The following WWOX variants were observed in gnomAD, a reference collection of about 807,000 sequenced individuals.
WWOX encodes WW domain-containing oxidoreductase.
A neutral mutation model predicts 46.2 loss-of-function variants in WWOX; 69 were observed. The ratio of observed to expected loss-of-function variants is 1.49; its 90% CI spans 1.23 to 1.82. The LOEUF (loss-of-function observed/expected upper bound fraction) is 1.82, where lower values mean the gene tolerates loss of function less well. Ranked by LOEUF, WWOX falls within the 40% of genes most tolerant of loss-of-function variation. The pLI is 0.00. For synonymous variants in WWOX, 359 were observed against 202.6 expected (o/e 1.77, Z -6.56); for missense variants, 919 against 542.6 (o/e 1.69, Z -6.89).
intron 5 of WWOX, among the ~76,000 whole-genome samples, chr16:78,192,453 C>G (rs1187401463): frequency 7.1e-6 from 1 of 140,028 alleles, no homozygotes; most frequent in Non-Finnish European, 1.5e-5. Context: ...GATCGCACCA[C>G]TGCACTCCAG....
intron 8 of WWOX, among the ~76,000 whole-genome samples, chr16:78,777,845 G>C (rs2050229497): frequency 6.6e-6 from 1 of 152,150 alleles, no homozygotes; most frequent in Admixed American, 6.5e-5. Flanking sequence ...AAGAGATCAA[G>C]AGCATCCCGG....
At chr16:78,806,257 G>T (rs2051034854) in intron 8 of WWOX, among the ~76,000 whole-genome samples, 2 of 152,012 alleles carry the variant, frequency 1.3e-5, no homozygotes, top group South Asian at 4.1e-4. Context: ...CCATTTTCTG[G>T]CCATTTGGAT....
intron 8 of WWOX, among the ~76,000 whole-genome samples, chr16:78,502,059 C>T (rs1282234502): frequency 1.3e-5 from 2 of 152,176 alleles, no homozygotes; most frequent in Non-Finnish European, 2.9e-5. Context: ...TAGCCAACTT[C>T]TCTGGATGCT....
intron 8 of WWOX, among the ~76,000 whole-genome samples, chr16:79,180,506 C>T (rs935972173): frequency 6.6e-6 from 1 of 152,136 alleles, no homozygotes; most frequent in Non-Finnish European, 1.5e-5. Flanking sequence ...TCTTCGTGAG[C>T]CTCCTTGTGG....
At chr16:78,322,214 C>G (rs906858149) in intron 5 of WWOX, among the ~76,000 whole-genome samples, 6 of 152,094 alleles carry the variant, frequency 3.9e-5, no homozygotes, top group African/African-American at 1.4e-4. Flanking sequence ...CAAAATCCAT[C>G]TGGATTTTGT....
intron 8 of WWOX, among the ~76,000 whole-genome samples, chr16:78,486,394 C>A (rs143840127): frequency 0.011 from 1,741 of 152,268 alleles, 20 homozygotes; most frequent in African/African-American, 0.012. Flanking sequence ...GTATGTTTTA[C>A]CTTTTTAATA....
chr16:78,930,344 C>T (rs1439019518), intron 8 of WWOX, among the ~76,000 whole-genome samples: 1 of 149,480 alleles, frequency 6.7e-6, no homozygotes, highest in Admixed American at 6.7e-5. Context: ...GTGGCACATT[C>T]ATGGCTCACT....
At chr16:79,043,806 C>G (rs1231673419) in intron 8 of WWOX, among the ~76,000 whole-genome samples, 4 of 152,258 alleles carry the variant, frequency 2.6e-5, no homozygotes, top group East Asian at 3.9e-4. Flanking sequence ...CTCTTCTCTG[C>G]TAGCTTTATT....
intron 8 of WWOX, among the ~76,000 whole-genome samples, chr16:78,529,149 C>T (rs959576447): frequency 6.6e-6 from 1 of 151,676 alleles, no homozygotes; most frequent in Non-Finnish European, 1.5e-5. Context: ...GATACAGGGT[C>T]TGACTGTATT....
At chr16:78,861,855 C>T (rs2043892090) in intron 8 of WWOX, among the ~76,000 whole-genome samples, 1 of 152,190 alleles carries the variant, frequency 6.6e-6, no homozygotes, top group Non-Finnish European at 1.5e-5. Context: ...GTTTCCAGGC[C>T]TCTAATGTTT....
At chr16:78,888,385 T>G (rs1376907762) in intron 8 of WWOX, among the ~76,000 whole-genome samples, 1 of 152,192 alleles carries the variant, frequency 6.6e-6, no homozygotes, top group Non-Finnish European at 1.5e-5. Context: ...CCTTGGCCCT[T>G]GGGTCCCTGT....
intron 8 of WWOX, among the ~76,000 whole-genome samples, chr16:78,611,823 A>G (rs1205758427): frequency 6.6e-6 from 1 of 152,226 alleles, no homozygotes; most frequent in African/African-American, 2.4e-5. Context: ...GAAAAAGAAC[A>G]GTGGTGAGAC....
At chr16:78,451,388 A>C (rs1261395062) in intron 8 of WWOX, among the ~76,000 whole-genome samples, 1 of 152,234 alleles carries the variant, frequency 6.6e-6, no homozygotes, top group Non-Finnish European at 1.5e-5. Context: ...TCCACAGTCC[A>C]CTACCAACAT....
At chr16:78,988,981 G>C (rs1355873333) in intron 8 of WWOX, among the ~76,000 whole-genome samples, 1 of 152,216 alleles carries the variant, frequency 6.6e-6, no homozygotes, top group Admixed American at 6.5e-5. Flanking sequence ...GAATTCCTGA[G>C]TTCCTGTACA....
intron 8 of WWOX, among the ~76,000 whole-genome samples, chr16:78,883,926 A>C (rs181519931): frequency 1.3e-4 from 20 of 152,244 alleles, no homozygotes; most frequent in Non-Finnish European, 2.2e-4. Context: ...AGTTGGTATA[A>C]CCATTTTGGA....
intron 8 of WWOX, among the ~76,000 whole-genome samples, chr16:78,558,027 A>G (rs940569787): frequency 3.3e-5 from 5 of 152,060 alleles, no homozygotes; most frequent in African/African-American, 1.2e-4. Context: ...AGTGCCAAGC[A>G]CATAGTCGGC....
At chr16:79,006,953 C>G (rs368062339) in intron 8 of WWOX, among the ~76,000 whole-genome samples, 132 of 152,270 alleles carry the variant, frequency 8.7e-4, no homozygotes, top group African/African-American at 3.1e-3. Flanking sequence ...TGATTAGCAA[C>G]GTCAGTTCCA....
chr16:79,163,816 A>AAAAAAAAAAAG (rs1294854077), intron 8 of WWOX, among the ~76,000 whole-genome samples: 2 of 124,510 alleles, frequency 1.6e-5, no homozygotes, highest in Non-Finnish European at 3.1e-5. Context: ...AAAAAAAAAA[A>AAAAAAAAAAAG]AGAGAGAGAG....
intron 8 of WWOX, among the ~76,000 whole-genome samples, chr16:78,507,927 G>A (rs191898796): frequency 6.6e-6 from 1 of 151,958 alleles, no homozygotes; most frequent in Non-Finnish European, 1.5e-5. Context: ...AACTTTCTTA[G>A]AACATCAGGA....
Sources: gnomAD v4.1 joint callset for allele counts (sites outside exome capture counted in the v4.1 genomes callset) on GRCh38, gnomAD v4.1.1 for gene constraint, MANE v1.5 for transcripts, NCBI Gene and HGNC (gene_info 2026-07-23, HGNC 2026-07-21) for gene names.